Variants in CAMSAP2 observed in about 807,000 individuals in gnomAD.
CAMSAP2 encodes calmodulin regulated spectrin associated protein family member 2.
A neutral mutation model predicts 146.1 loss-of-function variants in CAMSAP2; 26 were observed. That is an observed-to-expected ratio of 0.18 (90% CI 0.13 to 0.25). The LOEUF is 0.25. Among genes scored for constraint, CAMSAP2 ranks in the 10% least tolerant of loss-of-function variants. The pLI is 1.00. For synonymous variants in CAMSAP2, 499 were observed against 596.6 expected (o/e 0.84, Z 2.38); for missense variants, 1,381 against 1,759.3 (o/e 0.78, Z 3.85).
intron 2 of CAMSAP2, among the ~76,000 whole-genome samples, chr1:200,783,981 C>A (rs937841811): frequency 1.3e-5 from 2 of 151,918 alleles, no homozygotes; most frequent in African/African-American, 2.4e-5. Context: ...TCATTTAGAA[C>A]TATGATTCAT....
At chr1:200,793,702 C>CTT (rs140048076) in intron 2 of CAMSAP2, among the ~76,000 whole-genome samples, 4 of 148,076 alleles carry the variant, frequency 2.7e-5, no homozygotes, top group South Asian at 2.1e-4. Context: ...ATTCTTAAGG[C>CTT]TTTTTTTTTT....
At position 200,739,620 on chromosome 1, in the gene CAMSAP2, A is replaced by AGCG. The variant is rs540847853; in HGVS notation, c.-187_-185dup. 0.13 allele frequency: 39,646 copies of AGCG among 303,816 alleles called. 3,439 individuals are homozygous for AGCG. Among genetic ancestry groups the AGCG allele is most frequent in the East Asian group, 0.27 (4,159 of 15,266 alleles). 18.8% of individuals were successfully genotyped at this position (303,816 alleles called of 1,614,324 possible). A position where few individuals can be genotyped will look rare whatever the true frequency, so the allele number is the denominator to read the frequency against. ...GCGCCGCCACATTCCTATGCCCGGG[A>AGCG]GCGGCGGCGGCGGCGGCGGCGGCTC... On this transcript the variant is annotated 5_prime_UTR_variant, in exon 1 of 17. Transcript: ENST00000358823. This position sits in a 1 kb window ranked among gnomAD's most constrained non-coding sequence, Gnocchi z 4.8.
chr1:200,796,703 G>T, intron 2 of CAMSAP2, among the ~76,000 whole-genome samples: 1 of 150,982 alleles, frequency 6.6e-6, no homozygotes, highest in Non-Finnish European at 1.5e-5. Context: ...TAAGTTTTAG[G>T]GTACATGTGC....
intron 8 of CAMSAP2, 120 bp downstream of exon 8, chr1:200,844,989 A>G (rs1667423495): frequency 1.9e-6 from 1 of 513,170 alleles, no homozygotes; most frequent in Non-Finnish European, 3.3e-6. Flanking sequence ...GAACTGTTAT[A>G]ATTAGCTTAC....
chr1:200,835,332 A>G (rs1274390538), intron 6 of CAMSAP2, among the ~76,000 whole-genome samples: 2 of 152,242 alleles, frequency 1.3e-5, no homozygotes, highest in African/African-American at 4.8e-5. Flanking sequence ...GGAGATTATT[A>G]TAACTTTTAG....
In CAMSAP2 at chr1:200,747,638, C is replaced by G. The variant is rs1232621718; in HGVS notation, c.139+7672C>G. 7.4e-3 allele frequency among the ~76,000 whole-genome samples: 1,128 copies of G among 152,258 alleles called. 11 individuals carry two copies. The highest frequency in any genetic ancestry group is 0.044 in the Middle Eastern group (13 of 294). ...TTTGATTTGATCAGGGCTGTAGCGT[C>G]ATTTCTCTGTGATTCTTTTAGCTGT... On this transcript the variant is annotated intron_variant, in intron 1 of 16. Transcript: ENST00000358823.
intron 2 of CAMSAP2, among the ~76,000 whole-genome samples, chr1:200,777,298 AATT>A (rs1665307908): frequency 6.6e-6 from 1 of 152,164 alleles, no homozygotes; most frequent in African/African-American, 2.4e-5. Flanking sequence ...TGAAGAGAGA[AATT>A]ATTTCCTTCC....
chr1:200,746,698 A>G (rs1233405339), intron 1 of CAMSAP2, among the ~76,000 whole-genome samples: 5 of 150,486 alleles, frequency 3.3e-5, no homozygotes, highest in African/African-American at 1.2e-4. Flanking sequence ...GGCTCACTGC[A>G]AGCTCCGCCT....
At chr1:200,788,420 A>G (rs572440926) in intron 2 of CAMSAP2, among the ~76,000 whole-genome samples, 1 of 152,242 alleles carries the variant, frequency 6.6e-6, no homozygotes, top group African/African-American at 2.4e-5. Flanking sequence ...GCTGGATCAT[A>G]GAGTAATAAT....
At position 200,844,789 on chromosome 1, in the gene CAMSAP2, T is replaced by A. The variant is rs1667418026; in HGVS notation, c.1029T>A (p.Pro343=). The stretch of plus-strand genomic sequence containing the variant: ...AAAAATCTTTTATTCCAGCTGAACC[T>A]GTAAAAGATATGCCTTCAATTCCTG... ...PRVVRPQGAE[P]VKDMPSIPVL... The change falls in exon 8 of 17, where the codon CCT becomes CCA. Residue 343 remains proline, a synonymous_variant. Coordinates refer to ENST00000358823, the MANE Select transcript of CAMSAP2 (RefSeq NM_203459.4). 6.3e-7 allele frequency: 1 copy of A among 1,578,364 alleles called. No individual in the cohort carries two copies. Among genetic ancestry groups the A allele is most frequent in the Non-Finnish European group, 8.6e-7 (1 of 1,164,288 alleles).
At chr1:200,843,530 G>A (rs987722569) in intron 7 of CAMSAP2, among the ~76,000 whole-genome samples, 1 of 152,086 alleles carries the variant, frequency 6.6e-6, no homozygotes, top group Non-Finnish European at 1.5e-5. Context: ...ACCAATATTT[G>A]TATAATTTTT....
At chr1:200,794,737 G>T (rs890944297) in intron 2 of CAMSAP2, among the ~76,000 whole-genome samples, 6 of 152,118 alleles carry the variant, frequency 3.9e-5, no homozygotes, top group African/African-American at 1.4e-4. Flanking sequence ...TGTCTATCTG[G>T]ATTCACCAGC....
intron 2 of CAMSAP2, among the ~76,000 whole-genome samples, chr1:200,763,355 A>G (rs74689616): frequency 0.13 from 19,583 of 152,134 alleles, 1,297 homozygotes; most frequent in East Asian, 0.17. Context: ...CCTGGCTAAC[A>G]TGGCGAAACC....
At position 200,847,273 on chromosome 1, in the gene CAMSAP2, G is replaced by A. The variant is rs1667482273; in HGVS notation, c.1173G>A (p.Gln391=). 1 of 1,611,448 alleles carries A rather than the reference G, an allele frequency of 6.2e-7. No individual in the cohort carries two copies. Among genetic ancestry groups the A allele is most frequent in the African/African-American group, 1.3e-5 (1 of 74,838 alleles). The change falls in exon 9 of 17, where the codon CAG becomes CAA. Residue 391 remains glutamine (Q), a synonymous_variant. Transcript: ENST00000358823. ...TGCCTTCTAGGTATTCACGTCCCCA[G>A]GCTCATTCTTCAGCCTCAGGTAATA... ...HHLPSRYSRP[Q]AHSSASGGIR...
intron 11 of CAMSAP2, among the ~76,000 whole-genome samples, chr1:200,851,859 A>G (rs1421785651): frequency 6.6e-6 from 1 of 152,238 alleles, no homozygotes; most frequent in Non-Finnish European, 1.5e-5. Flanking sequence ...ACAGCTTGTT[A>G]CTTTGCTGAA....
intron 2 of CAMSAP2, among the ~76,000 whole-genome samples, chr1:200,790,850 C>T (rs528938027): frequency 6.6e-6 from 1 of 152,022 alleles, no homozygotes; most frequent in South Asian, 2.1e-4. Flanking sequence ...TATTTTACCT[C>T]CTTTTTTTTT....
rs779432935 is a variant in CAMSAP2 at position 200,849,358 on chromosome 1, C to T, written c.2589C>T (p.Asn863=). The change falls in exon 11 of 17, where the codon AAC becomes AAT. Residue 863 remains asparagine (N), a synonymous_variant. Transcript: ENST00000358823. The surrounding 1 kb of genome is among the most constrained non-coding windows in gnomAD (Gnocchi z 6.3). ...CTATTGATCCTGAGAAGCAGTGGAA[C>T]CTGGCAAGCCCCTCAGAAGAAACTT... The part of the protein sequence containing the change: ...TTPIDPEKQW[N]LASPSEETLN... 6.2e-7 allele frequency: 1 copy of T among 1,614,000 alleles called. No individual in the cohort carries two copies. Among genetic ancestry groups the T allele is most frequent in the Admixed American group, 1.7e-5 (1 of 59,972 alleles).
At chr1:200,823,349 A>G (rs529659704) in intron 4 of CAMSAP2, among the ~76,000 whole-genome samples, 1 of 152,370 alleles carries the variant, frequency 6.6e-6, no homozygotes, top group Non-Finnish European at 1.5e-5. Context: ...CAAAGATAGT[A>G]CAACTTCACC....
intron 2 of CAMSAP2, among the ~76,000 whole-genome samples, chr1:200,782,782 C>CTCT (rs1665473708): frequency 1.4e-5 from 1 of 72,242 alleles, no homozygotes; most frequent in Admixed American, 1.7e-4. Context: ...TCATTTCTCT[C>CTCT]TTTTTTTTTT....
Sources: gnomAD v4.1 joint callset for allele counts (sites outside exome capture counted in the v4.1 genomes callset) on GRCh38, gnomAD v4.1.1 for gene constraint, Gnocchi (gnomAD v3.1) non-coding constraint, MANE v1.5 for transcripts, NCBI Gene and HGNC (gene_info 2026-07-23, HGNC 2026-07-21) for gene names.